SH3BGRL: variants seen among roughly 807,000 people sequenced by gnomAD.
SH3BGRL encodes the protein SH3 domain binding glutamate rich protein like, also known as adapter SH3BGRL.
In SH3BGRL, 7 loss-of-function variants were observed where a neutral mutation model predicts 9.8. That is an observed-to-expected ratio of 0.72 (90% CI 0.41 to 1.35). SH3BGRL has a LOEUF of 1.35. Ranked by LOEUF, SH3BGRL falls within the 40% of genes most tolerant of loss-of-function variation. The pLI, the probability that SH3BGRL is intolerant of heterozygous loss-of-function variation, is 0.01. For missense variants in SH3BGRL, 73 were observed against 84.4 expected (o/e 0.86, Z 0.53); for synonymous variants, 36 against 29.1 (o/e 1.24, Z -0.76).
chrX:81,228,686 C>T (rs765178399), intron 1 of SH3BGRL, among the ~76,000 whole-genome samples: 2 of 111,595 alleles, frequency 1.8e-5, no homozygotes, highest in East Asian at 5.6e-4. Flanking sequence ...ATTTAGATGG[C>T]TGGGGGGCTT....
At chrX:81,266,176 T>C (rs768831920) in intron 1 of SH3BGRL, among the ~76,000 whole-genome samples, 20 of 112,411 alleles carry the variant, frequency 1.8e-4, no homozygotes, top group Admixed American at 1.1e-3. Flanking sequence ...ATAGTTTCTT[T>C]TGCTGTGCAG....
intron 1 of SH3BGRL, among the ~76,000 whole-genome samples, chrX:81,233,131 G>T (rs909990281): frequency 2.6e-4 from 29 of 111,382 alleles, no homozygotes; most frequent in African/African-American, 9.1e-4. Flanking sequence ...AATAGTAGTT[G>T]AATTTTTACA....
chrX:81,211,339 C>T (rs2075562583), intron 1 of SH3BGRL, among the ~76,000 whole-genome samples: 1 of 111,738 alleles, frequency 8.9e-6, no homozygotes, highest in Non-Finnish European at 1.9e-5. Flanking sequence ...AATCTCAGCA[C>T]TTTGTGGGGG....
chrX:81,261,749 G>A (rs2075742075), intron 1 of SH3BGRL, among the ~76,000 whole-genome samples: 3 of 111,359 alleles, frequency 2.7e-5, no homozygotes, highest in African/African-American at 9.8e-5. Flanking sequence ...GAATCTGTGT[G>A]CAAACGGTAA....
chrX:81,265,220 T>A (rs1382532617), intron 1 of SH3BGRL, among the ~76,000 whole-genome samples: 6 of 108,098 alleles, frequency 5.6e-5, no homozygotes. Flanking sequence ...TTCTTTTTTT[T>A]AATGATACTT....
At chrX:81,213,776 T>C (rs1306068358) in intron 1 of SH3BGRL, among the ~76,000 whole-genome samples, 1 of 112,265 alleles carries the variant, frequency 8.9e-6, no homozygotes, top group Non-Finnish European at 1.9e-5. Flanking sequence ...TGGTAAGTTT[T>C]TAAATAAATA....
intron 1 of SH3BGRL, among the ~76,000 whole-genome samples, chrX:81,269,934 C>T (rs925435586): frequency 9.9e-5 from 11 of 110,743 alleles, no homozygotes; most frequent in Non-Finnish European, 1.3e-4. Context: ...TCTTTTTTCT[C>T]TAATCTTGTC....
chrX:81,215,549 A>G (rs1006231732), intron 1 of SH3BGRL, among the ~76,000 whole-genome samples: 2 of 111,132 alleles, frequency 1.8e-5, no homozygotes, highest in African/African-American at 3.3e-5. Flanking sequence ...GGGGATGTCA[A>G]TTTGAGGGAC....
intron 3 of SH3BGRL, 56 bp downstream of exon 3, chrX:81,278,467 T>C (rs1453181893): frequency 3.9e-6 from 3 of 763,041 alleles, no homozygotes; most frequent in Non-Finnish European, 5.8e-6. Flanking sequence ...CTGAACTTTT[T>C]TAATCAGTAA....
chrX:81,286,817 CTGTT>C (rs748320353), intron 3 of SH3BGRL, among the ~76,000 whole-genome samples: 2 of 111,248 alleles, frequency 1.8e-5, no homozygotes, highest in Non-Finnish European at 3.8e-5. Context: ...TTAAAGCTCT[CTGTT>C]TGATTGGATG....
chrX:81,258,617 G>T (rs1226629911), intron 1 of SH3BGRL, among the ~76,000 whole-genome samples: 1 of 112,207 alleles, frequency 8.9e-6, no homozygotes, highest in African/African-American at 3.2e-5. Context: ...AGAGAAGTGG[G>T]GAGAATTATC....
intron 1 of SH3BGRL, among the ~76,000 whole-genome samples, chrX:81,219,925 G>A (rs2075595330): frequency 9.0e-6 from 1 of 111,317 alleles, no homozygotes; most frequent in African/African-American, 3.3e-5. Context: ...TACATTGATC[G>A]ATTTGCATCT....
Position 81,278,342 on chromosome X carries a change from C to T in SH3BGRL, c.243C>T (p.Ala81=). Reference sequence around the variant, plus strand: ...TTCTTTTCATCAAGGACTATGATGCCTTCTTTGAAGCCAGAGAAAATAATG... The same window carrying T: ...TTCTTTTCATCAAGGACTATGATGCTTTCTTTGAAGCCAGAGAAAATAATG... ...NESQYRGDYD[A]FFEARENNAV... Residue 81 remains alanine (A), a synonymous_variant, in exon 3 of 4, where the codon GCC becomes GCT. Coordinates refer to ENST00000373212, the MANE Select transcript of SH3BGRL (RefSeq NM_003022.3). 2 of 1,189,588 alleles carry T rather than the reference C, an allele frequency of 1.7e-6. No homozygotes were observed. Among genetic ancestry groups the T allele is most frequent in the Non-Finnish European group, 2.3e-6 (2 of 879,385 alleles).
At chrX:81,289,686 C>T (rs2075850577) in intron 3 of SH3BGRL, among the ~76,000 whole-genome samples, 1 of 110,507 alleles carries the variant, frequency 9.0e-6, no homozygotes, top group Admixed American at 9.7e-5. Flanking sequence ...GGTGAAACCC[C>T]GTCTCTACTA....
chrX:81,287,904 G>A (rs983916197), intron 3 of SH3BGRL, among the ~76,000 whole-genome samples: 2 of 106,907 alleles, frequency 1.9e-5, no homozygotes, highest in African/African-American at 6.9e-5. Context: ...TATTACCCTG[G>A]TGCCAAAATC....
At chrX:81,279,741 G>A (rs1467324796) in intron 3 of SH3BGRL, among the ~76,000 whole-genome samples, 2 of 110,895 alleles carry the variant, frequency 1.8e-5, no homozygotes, top group African/African-American at 6.6e-5. Context: ...CCATCGGGAG[G>A]GTGGCCAGAG....
intron 3 of SH3BGRL, among the ~76,000 whole-genome samples, chrX:81,280,270 T>C (rs2075812111): frequency 9.1e-6 from 1 of 109,913 alleles, no homozygotes; most frequent in African/African-American, 3.3e-5. Context: ...AAAGAGCATA[T>C]AATCTTGGAA....
chrX:81,238,792 C>CAGAGAGAGAGAG (rs766291990), intron 1 of SH3BGRL, among the ~76,000 whole-genome samples: 78 of 91,451 alleles, frequency 8.5e-4, no homozygotes, highest in Non-Finnish European at 1.2e-3. Flanking sequence ...TAGTGCAGAA[C>CAGAGAGAGAGAG]AGAGAGAGAG....
intron 1 of SH3BGRL, among the ~76,000 whole-genome samples, chrX:81,273,265 C>T (rs2075786932): frequency 8.9e-6 from 1 of 112,679 alleles, no homozygotes; most frequent in Non-Finnish European, 1.9e-5. Context: ...GCAATAAATG[C>T]TTGTTCTCTC....
Sources: allele counts gnomAD v4.1 joint callset (sites outside exome capture counted in the v4.1 genomes callset), GRCh38; gene constraint gnomAD v4.1.1; transcripts MANE v1.5; gene names NCBI Gene and HGNC (gene_info 2026-07-23, HGNC 2026-07-21).